Variants in INPP5D observed in about 807,000 individuals in gnomAD.
The protein encoded by INPP5D is inositol polyphosphate-5-phosphatase D.
INPP5D carries 33 observed loss-of-function variants against 122.9 expected under a neutral mutation model. That is an observed-to-expected ratio of 0.27 (90% CI 0.20 to 0.36). The LOEUF is 0.36. Among genes scored for constraint, INPP5D ranks in the 10% least tolerant of loss-of-function variants. The pLI is 1.00. For missense variants in INPP5D, 1,053 were observed against 1,412.7 expected, an observed-to-expected ratio of 0.75 and a Z score of 4.08; for synonymous variants, 584 against 576.2, an observed-to-expected ratio of 1.01 and a Z score of -0.19.
At chr2:233,075,176 C>T (rs1467671469) in intron 1 of INPP5D, among the ~76,000 whole-genome samples, 2 of 152,186 alleles carry the variant, frequency 1.3e-5, no homozygotes, top group African/African-American at 2.4e-5. Flanking sequence ...GTAAGCCCCC[C>T]TTCATTTGGG....
chr2:233,152,874 T>A (rs1333363932), intron 9 of INPP5D, among the ~76,000 whole-genome samples: 2 of 146,316 alleles, frequency 1.4e-5, no homozygotes, highest in Non-Finnish European at 3.0e-5. Context: ...GGGGGGGGTG[T>A]GGTGTGATTC....
rs1694466231 is a variant in INPP5D, at chr2:233,170,539, C to T, written c.1835C>T (p.Ala612Val). The change falls in exon 16 of 27, where the codon GCA (alanine) becomes GTA (valine). Residue 612 changes from alanine to valine, a missense_variant. Ala to Val is a moderately conservative substitution (Grantham distance 64, BLOSUM62 0). This residue lies in a region of INPP5D where 258 missense variants were observed against 439.1 expected (regional missense o/e 0.59). Coordinates refer to ENST00000445964, the MANE Select transcript of INPP5D (RefSeq NM_001017915.3). The surrounding 1 kb of genome is among the most constrained non-coding windows in gnomAD (Gnocchi z 4.5). The stretch of plus-strand genomic sequence containing the variant: ...CAGAAAATCAAGCAGCAGCAGTACG[C>T]AGACCTCCTGTCCCACGACCAGCTG... ...IIQKIKQQQY[A>V]DLLSHDQLLT... 1.9e-6 allele frequency: 3 copies of T among 1,613,798 alleles called. No individual in the cohort carries two copies. Among genetic ancestry groups the T allele is most frequent in the Non-Finnish European group, 2.5e-6 (3 of 1,179,820 alleles).
intron 6 of INPP5D, among the ~76,000 whole-genome samples, chr2:233,144,686 G>GGGTGAAGGTGGTGGTAGTGATGGTGAT (rs1693710719): frequency 8.5e-6 from 1 of 117,216 alleles, no homozygotes; most frequent in African/African-American, 2.8e-5. Flanking sequence ...GTGATGGTGA[G>GGGTGAAGGTGGTGGTAGTGATGGTGAT]GGTGGAGGTG....
At chr2:233,114,020 C>T (rs548489877) in intron 2 of INPP5D, among the ~76,000 whole-genome samples, 1 of 151,736 alleles carries the variant, frequency 6.6e-6, no homozygotes, top group Non-Finnish European at 1.5e-5. Context: ...ACGCCATTCT[C>T]CTGCTTCAGC....
intron 2 of INPP5D, among the ~76,000 whole-genome samples, chr2:233,098,119 G>C (rs1163493244): frequency 1.3e-5 from 2 of 152,036 alleles, no homozygotes; most frequent in South Asian, 4.2e-4. Flanking sequence ...TTTCGAACTC[G>C]TGACCTTAAG....
chr2:233,134,243 A>G (rs956763186), intron 5 of INPP5D: 7 of 332,512 alleles, frequency 2.1e-5, no homozygotes, highest in Admixed American at 8.0e-5. Flanking sequence ...GTCACCAGCC[A>G]TGGAGCTAGT....
At chr2:233,156,993 C>T (rs1379780678) in intron 9 of INPP5D, among the ~76,000 whole-genome samples, 1 of 152,176 alleles carries the variant, frequency 6.6e-6, no homozygotes, top group Admixed American at 6.5e-5. Context: ...ATCAGAATGA[C>T]ATTGTTTCTC....
chr2:233,123,353 C>T (rs1693049476), intron 3 of INPP5D, among the ~76,000 whole-genome samples: 1 of 151,548 alleles, frequency 6.6e-6, no homozygotes, highest in Non-Finnish European at 1.5e-5. Context: ...ACTTGGGAGG[C>T]TGAGGCAGAA....
intron 20 of INPP5D, among the ~76,000 whole-genome samples, chr2:233,184,991 C>T (rs995322358): frequency 1.3e-5 from 2 of 152,066 alleles, no homozygotes; most frequent in African/African-American, 2.4e-5. Flanking sequence ...CGTCCGAAAG[C>T]AAGCAGGAGA....
At chr2:233,200,495 C>T (rs908617149) in intron 25 of INPP5D, among the ~76,000 whole-genome samples, 5 of 152,202 alleles carry the variant, frequency 3.3e-5, no homozygotes, top group Non-Finnish European at 5.9e-5. Context: ...TCCATGAGGA[C>T]TTGCGTGCTG....
rs1694453893 is a variant in INPP5D at position 233,170,135 on chromosome 2, C to G, written c.1762C>G (p.Leu588Val). Residue 588 changes from leucine to valine, a missense_variant, in exon 15 of 27, where the codon CTT becomes GTT. Leu to Val is a conservative substitution (Grantham distance 32). Coordinates refer to ENST00000445964, the MANE Select transcript of INPP5D (RefSeq NM_001017915.3). This position sits in a 1 kb window ranked among gnomAD's most constrained non-coding sequence, Gnocchi z 4.5. ...CACGCACCTCTTCTGGTTTGGGGAT[C>G]TTAACTACCGTGTGGATCTGCCTAC... ...RFTHLFWFGD[L>V]NYRVDLPTWE... 6.2e-7 allele frequency: 1 copy of G among 1,613,932 alleles called. No individual in the cohort carries two copies. The highest frequency in any genetic ancestry group is 8.5e-7 in the Non-Finnish European group (1 of 1,179,906).
chr2:233,129,469 C>T (rs1013022201), intron 4 of INPP5D, among the ~76,000 whole-genome samples: 8 of 152,184 alleles, frequency 5.3e-5, no homozygotes, highest in African/African-American at 1.4e-4. Flanking sequence ...ACAGCTGATC[C>T]GACTTTAGGG....
intron 9 of INPP5D, among the ~76,000 whole-genome samples, chr2:233,155,710 T>C (rs931563847): frequency 2.6e-5 from 4 of 151,788 alleles, no homozygotes; most frequent in Non-Finnish European, 5.9e-5. Flanking sequence ...ATAATAAGTG[T>C]CAGTAAGAGA....
At chr2:233,102,189 T>C (rs1692333799) in intron 2 of INPP5D, among the ~76,000 whole-genome samples, 2 of 152,226 alleles carry the variant, frequency 1.3e-5, no homozygotes, top group African/African-American at 4.8e-5. Context: ...GCTGACATGG[T>C]GTTTTAAAAC....
intron 5 of INPP5D, among the ~76,000 whole-genome samples, chr2:233,131,951 T>C (rs1369469366): frequency 6.6e-6 from 1 of 152,232 alleles, no homozygotes; most frequent in African/African-American, 2.4e-5. Context: ...GATCAGTACA[T>C]TCGGTAAATT....
chr2:233,127,708 A>C (rs373459430), intron 4 of INPP5D, among the ~76,000 whole-genome samples: 23 of 152,302 alleles, frequency 1.5e-4, no homozygotes, highest in East Asian at 5.8e-4. Context: ...TCCCGGGTTC[A>C]AGTGATTCTC....
chr2:233,079,011 G>C (rs1276182454), intron 1 of INPP5D, among the ~76,000 whole-genome samples: 1 of 152,040 alleles, frequency 6.6e-6, no homozygotes, highest in African/African-American at 2.4e-5. Context: ...CTATCTTCTT[G>C]GCAGCCGAGA....
chr2:233,099,976 C>T (rs1692260891), intron 2 of INPP5D, among the ~76,000 whole-genome samples: 1 of 152,186 alleles, frequency 6.6e-6, no homozygotes, highest in African/African-American at 2.4e-5. Flanking sequence ...GTCAAACTCC[C>T]ATTTCTAAAG....
chr2:233,115,805 G>A (rs969802517), intron 2 of INPP5D, among the ~76,000 whole-genome samples: 2 of 152,174 alleles, frequency 1.3e-5, no homozygotes, highest in African/African-American at 4.8e-5. Flanking sequence ...CATTATGTTT[G>A]CAACCAAACT....
Sources: allele counts gnomAD v4.1 joint callset (sites outside exome capture counted in the v4.1 genomes callset), GRCh38; gene constraint gnomAD v4.1.1; regional missense constraint gnomAD v4.1.1; non-coding constraint Gnocchi (gnomAD v3.1); transcripts MANE v1.5; gene names NCBI Gene and HGNC (gene_info 2026-07-23, HGNC 2026-07-21).